The following NRDE2 variants were observed in gnomAD, a reference collection of about 807,000 sequenced individuals.
NRDE2 encodes NRDE-2, necessary for RNA interference, domain containing.
Under a neutral mutation model 124.2 loss-of-function variants are expected in NRDE2, and 76 were observed. The observed-to-expected ratio is 0.61, with a 90% CI of 0.51 to 0.74. NRDE2 has a LOEUF of 0.74. Among genes scored for constraint, NRDE2 ranks in the 30% least tolerant of loss-of-function variants. The pLI is 0.00. For missense variants in NRDE2, 1,314 were observed against 1,417.3 expected (o/e 0.93, Z 1.17); for synonymous variants, 489 against 528.1 (o/e 0.93, Z 1.01).
chr14:90,296,544 C>T (rs186436952), intron 8 of NRDE2, among the ~76,000 whole-genome samples: 2 of 152,288 alleles, frequency 1.3e-5, no homozygotes, highest in Non-Finnish European at 2.9e-5. Context: ...GCTCCCTGGC[C>T]CGGAGCTCTG....
intron 5 of NRDE2, among the ~76,000 whole-genome samples, chr14:90,303,489 C>T (rs1160980274): frequency 1.3e-5 from 2 of 152,204 alleles, no homozygotes; most frequent in Non-Finnish European, 2.9e-5. Context: ...GACAAACCTA[C>T]AAGTTTTCGA....
At chr14:90,315,956 TCAA>T (rs1885029882) in intron 3 of NRDE2, among the ~76,000 whole-genome samples, 1 of 24,298 alleles carries the variant, frequency 4.1e-5, no homozygotes, top group Admixed American at 6.1e-4. Flanking sequence ...AAACCCCGTC[TCAA>T]AAAAAAAAAA....
intron 1 of NRDE2, among the ~76,000 whole-genome samples, chr14:90,322,590 C>A (rs17799268): frequency 0.15 from 23,117 of 152,128 alleles, 2,001 homozygotes; most frequent in South Asian, 0.2. Context: ...GTAATTCTTC[C>A]TTTCTTCATT....
At chr14:90,325,679 C>T (rs1885400654) in intron 1 of NRDE2, among the ~76,000 whole-genome samples, 1 of 152,154 alleles carries the variant, frequency 6.6e-6, no homozygotes, top group Admixed American at 6.6e-5. Context: ...GAACACACTA[C>T]CACACCTGGC....
intron 4 of NRDE2, among the ~76,000 whole-genome samples, chr14:90,309,738 C>T (rs1214294690): frequency 6.6e-6 from 1 of 152,232 alleles, no homozygotes; most frequent in Non-Finnish European, 1.5e-5. Flanking sequence ...AGTATTCCCA[C>T]TGTCCTCTGA....
chr14:90,301,547 T>A (rs1452192369), intron 6 of NRDE2, among the ~76,000 whole-genome samples, 175 bp from the exon 7 acceptor site: 2 of 152,228 alleles, frequency 1.3e-5, no homozygotes, highest in East Asian at 1.9e-4. Flanking sequence ...AGTATTATAA[T>A]CCAAGTATGT....
chr14:90,271,028 A>G lies in NRDE2; in HGVS notation c.*7308T>C, dbSNP rs951684283. 2.7e-5 allele frequency: 4 copies of G among 149,818 alleles called. No individual in the cohort carries two copies. In the East Asian group the frequency reaches 8.0e-4, roughly 30 times the overall value. The allele number at this position is 149,818 out of a possible 1,614,324, so 9.3% of individuals were successfully genotyped here. On this transcript the variant is annotated 3_prime_UTR_variant, in exon 14 of 14. Transcript: ENST00000354366. ...ATGTCTCTGTTGGCAAGTAAAATCT[A>G]TCTTCTTTTTTAAAAATTGAAAGAT...
rs971809324 is a variant in NRDE2 at position 90,276,297 on chromosome 14, C to T, written c.*2039G>A. ...GCAGTGGCGCGATCTTGGCTCACTGCAAGCTCTGCCTCCCAGGTTCACGCC... is the reference window on the plus strand; with the variant it reads ...GCAGTGGCGCGATCTTGGCTCACTGTAAGCTCTGCCTCCCAGGTTCACGCC... On this transcript the variant is annotated 3_prime_UTR_variant, in exon 14 of 14. Coordinates refer to ENST00000354366, the MANE Select transcript of NRDE2 (RefSeq NM_017970.4). 4 of 143,760 alleles carry T rather than the reference C, an allele frequency of 2.8e-5. No individual in the cohort carries two copies. The highest frequency in any genetic ancestry group is 1.0e-4 in the African/African-American group (4 of 38,954). The allele number at this position is 143,760 out of a possible 1,614,324, so 8.9% of individuals were successfully genotyped here.
At chr14:90,278,649 CGCAAAAGTGAGCAAACGCCAAGCGA>C (rs1891867551) in intron 13 of NRDE2, 188 bp from the exon 14 acceptor site, 1 of 651,322 alleles carries the variant, frequency 1.5e-6, no homozygotes, top group Non-Finnish European at 2.6e-6. Context: ...ACACTGAACT[CGCAAAAGTGAGCAAACGCCAAGCGA>C]GGCCTTCTCT....
chr14:90,321,449 T>A (rs1834673311), intron 1 of NRDE2, among the ~76,000 whole-genome samples: 4 of 149,470 alleles, frequency 2.7e-5, no homozygotes, highest in African/African-American at 9.9e-5. Flanking sequence ...TTGGCCAGTA[T>A]ATCTATTATA....
chr14:90,310,685 A>C (rs1047285254), intron 4 of NRDE2, among the ~76,000 whole-genome samples: 1 of 152,068 alleles, frequency 6.6e-6, no homozygotes, highest in Admixed American at 6.6e-5. Flanking sequence ...ATGCCCAGCT[A>C]ATTTTTGTAT....
rs776390445 is a variant in NRDE2, at chr14:90,290,684, A to C, written c.1843-77T>G. The C allele has an allele frequency of 5.0e-6, 7 of 1,402,448 alleles. No individual in the cohort carries two copies. In the African/African-American group the frequency reaches 7.2e-5, roughly 15 times the overall value. The allele number at this position is 1,402,448 out of a possible 1,614,324, so 86.9% of individuals were successfully genotyped here. ...ATTTGTCACAATTCTCTTTATATGC[A>C]TGTACTAATGGTTCAACATTATTCA... On this transcript the variant is annotated intron_variant, in intron 9 of 13. Coordinates refer to ENST00000354366, the MANE Select transcript of NRDE2 (RefSeq NM_017970.4).
At chr14:90,298,211 A>C in intron 8 of NRDE2, 49 bp downstream of exon 8, 1 of 1,594,176 alleles carries the variant, frequency 6.3e-7, no homozygotes, top group Non-Finnish European at 8.6e-7. Flanking sequence ...ATGTAAAAAC[A>C]AATTCCAGAA....
chr14:90,284,851 T>C (rs1892056271), intron 12 of NRDE2, among the ~76,000 whole-genome samples: 1 of 152,212 alleles, frequency 6.6e-6, no homozygotes, highest in East Asian at 1.9e-4. Flanking sequence ...AACCCAAGGC[T>C]GAGCCAATTC....
chr14:90,299,988 T>G (rs1252808331), intron 7 of NRDE2, among the ~76,000 whole-genome samples: 1 of 152,180 alleles, frequency 6.6e-6, no homozygotes, highest in African/African-American at 2.4e-5. Context: ...TATTCCAAAG[T>G]TGTCATGTAA....
intron 8 of NRDE2, among the ~76,000 whole-genome samples, chr14:90,297,706 G>A (rs1884226202): frequency 6.6e-6 from 1 of 152,192 alleles, no homozygotes; most frequent in Non-Finnish European, 1.5e-5. Flanking sequence ...GGCTGAGGCA[G>A]GCAGATCGCT....
At chr14:90,328,343 T>TCTTTCCTGC (rs1885533634) in intron 1 of NRDE2, among the ~76,000 whole-genome samples, 1 of 151,884 alleles carries the variant, frequency 6.6e-6, no homozygotes, top group African/African-American at 2.4e-5. Context: ...ATTTATCCTG[T>TCTTTCCTGC]CTTTCCTGCC....
intron 12 of NRDE2, among the ~76,000 whole-genome samples, chr14:90,282,839 G>A (rs999113419): frequency 1.3e-5 from 2 of 151,996 alleles, no homozygotes; most frequent in African/African-American, 2.4e-5. Context: ...GGCTAATTTT[G>A]TATTTTTAGT....
intron 7 of NRDE2, among the ~76,000 whole-genome samples, chr14:90,299,971 G>C (rs1884333673): frequency 6.6e-6 from 1 of 152,152 alleles, no homozygotes; most frequent in Non-Finnish European, 1.5e-5. Flanking sequence ...TAGTAAATAA[G>C]AAACTTTATT....
Sources: allele counts gnomAD v4.1 joint callset (sites outside exome capture counted in the v4.1 genomes callset), GRCh38; gene constraint gnomAD v4.1.1; transcripts MANE v1.5; gene names NCBI Gene and HGNC (gene_info 2026-07-23, HGNC 2026-07-21).